Variants in DNAJC6 observed in about 807,000 individuals in gnomAD.
The protein encoded by DNAJC6 is DnaJ heat shock protein family (Hsp40) member C6.
In DNAJC6, 34 loss-of-function variants were observed where a neutral mutation model predicts 110.0. That is an observed-to-expected ratio of 0.31 (90% CI 0.24 to 0.41). The LOEUF is 0.41. DNAJC6 is among the 10% of genes least tolerant of loss of function. The pLI is 1.00. For missense variants in DNAJC6, 1,031 were observed against 1,207.8 expected (o/e 0.85, Z 2.17); for synonymous variants, 406 against 437.2 (o/e 0.93, Z 0.89).
chr1:65,385,928 C>T lies in DNAJC6; in HGVS notation c.995+22C>T, dbSNP rs776474307. ...TGAAGTAAGTCATGATACTTTACTT[C>T]TTCCTATGTACTTCTCAATTCTCAT... On this transcript the variant is annotated intron_variant, in intron 7 of 18. Coordinates refer to ENST00000371069, the MANE Select transcript of DNAJC6 (RefSeq NM_001256864.2). The T allele has an allele frequency of 2.1e-5, 33 of 1,573,034 alleles. No individual in the cohort carries two copies. The South Asian group carries it at 3.7e-4, about 18-fold the overall frequency.
intron 1 of DNAJC6, among the ~76,000 whole-genome samples, chr1:65,294,316 A>G (rs983246902): frequency 1.3e-5 from 2 of 152,188 alleles, no homozygotes; most frequent in African/African-American, 4.8e-5. Context: ...ATCAGTTCTT[A>G]TTGTATGGGT....
At chr1:65,342,259 C>T (rs1251351112) in intron 1 of DNAJC6, among the ~76,000 whole-genome samples, 2 of 152,030 alleles carry the variant, frequency 1.3e-5, no homozygotes, top group African/African-American at 4.8e-5. Flanking sequence ...ATATTTGTGT[C>T]CCCTCCTTTC....
At chr1:65,300,043 C>CAAAAAAAAAAAAAA (rs59681451) in intron 1 of DNAJC6, among the ~76,000 whole-genome samples, 1 of 112,052 alleles carries the variant, frequency 8.9e-6, no homozygotes. Flanking sequence ...AACTCCATCT[C>CAAAAAAAAAAAAAA]AAAAAAAAAA....
Position 65,389,259 on chromosome 1 carries a change from T to G in DNAJC6, c.1197T>G (p.Pro399=). 6.2e-7 allele frequency: 1 copy of G among 1,613,230 alleles called. No individual in the cohort carries two copies. The highest frequency in any genetic ancestry group is 8.5e-7 in the Non-Finnish European group (1 of 1,179,488). The part of the protein sequence containing the change: ...LDTTVLKFTK[P]ELDACDVPEK... ...TCTTTTTTAAATCCCTATTTAGGCCTGAGTTAGATGCATGTGATGTACCAG... is the reference window on the plus strand; with the variant it reads ...TCTTTTTTAAATCCCTATTTAGGCCGGAGTTAGATGCATGTGATGTACCAG... Residue 399 remains proline (P), a synonymous_variant, in exon 10 of 19, where the codon CCT becomes CCG. Coordinates refer to ENST00000371069, the MANE Select transcript of DNAJC6 (RefSeq NM_001256864.2).
At chr1:65,391,510 CTCT>C (rs993425626) in intron 11 of DNAJC6, among the ~76,000 whole-genome samples, 1 of 152,134 alleles carries the variant, frequency 6.6e-6, no homozygotes, top group African/African-American at 2.4e-5. Flanking sequence ...CACAGCAGAG[CTCT>C]TCTTTTCACT....
At chr1:65,354,242 T>A (rs1363932168) in intron 1 of DNAJC6, among the ~76,000 whole-genome samples, 1 of 152,122 alleles carries the variant, frequency 6.6e-6, no homozygotes, top group Non-Finnish European at 1.5e-5. Context: ...AGACAAAAAG[T>A]ACCTCTTGAA....
intron 1 of DNAJC6, among the ~76,000 whole-genome samples, chr1:65,355,745 G>A (rs1285563646): frequency 6.6e-6 from 1 of 152,066 alleles, no homozygotes; most frequent in Non-Finnish European, 1.5e-5. Context: ...TTAAACATTT[G>A]TTCTTCTGAA....
At chr1:65,275,370 G>A (rs555015242) in intron 1 of DNAJC6, among the ~76,000 whole-genome samples, 1 of 152,336 alleles carries the variant, frequency 6.6e-6, no homozygotes, top group South Asian at 2.1e-4. Context: ...GGGGAAGCAG[G>A]TGTTCCCCCA....
chr1:65,411,440 G>T lies in DNAJC6; in HGVS notation c.2811+14G>T, dbSNP rs750029946. The T allele has an allele frequency of 6.2e-6, 10 of 1,605,734 alleles. No homozygotes were observed. In the South Asian group the frequency reaches 8.8e-5, roughly 14 times the overall value. On this transcript the variant is annotated intron_variant, in intron 18 of 18. Coordinates refer to ENST00000371069, the MANE Select transcript of DNAJC6 (RefSeq NM_001256864.2). ...CACCCAGATAAAGTGGGTATAACCT[G>T]CCCTGTTGTGTAACTTGTCAGGTCC...
intron 1 of DNAJC6, among the ~76,000 whole-genome samples, chr1:65,288,695 G>A (rs547882200): frequency 7.9e-5 from 12 of 152,258 alleles, no homozygotes; most frequent in Middle Eastern, 3.4e-3. Context: ...CCTCTACTAA[G>A]AATAACTAAT....
intron 1 of DNAJC6, among the ~76,000 whole-genome samples, chr1:65,302,202 TTAATA>T (rs981791926): frequency 2.2e-5 from 2 of 92,314 alleles, no homozygotes; most frequent in African/African-American, 8.5e-5. Context: ...AATATATACA[TTAATA>T]TATTATATCA....
chr1:65,379,586 A>G (rs1452838360), intron 5 of DNAJC6, 62 bp downstream of exon 5: 3 of 1,588,632 alleles, frequency 1.9e-6, no homozygotes, highest in Non-Finnish European at 2.6e-6. Flanking sequence ...ATGAGCCTGT[A>G]CACAATGGTA....
Position 65,309,760 on chromosome 1 carries a change from G to C in DNAJC6, c.15G>C (p.Gly5=). 6.5e-7 allele frequency: 1 copy of C among 1,547,244 alleles called. No homozygotes were observed. The highest frequency in any genetic ancestry group is 8.7e-7 in the Non-Finnish European group (1 of 1,145,556). Residue 5 remains glycine, a synonymous_variant, in exon 1 of 19, where the codon GGG becomes GGC. Coordinates refer to ENST00000371069, the MANE Select transcript of DNAJC6 (RefSeq NM_001256864.2). Reference sequence around the variant, plus strand: ...CGGGCTTGCCCATGAGCCTCCTCGGGAGCTACCGGAAAAAGACCAGCAACG... The same window carrying C: ...CGGGCTTGCCCATGAGCCTCCTCGGCAGCTACCGGAAAAAGACCAGCAACG... The part of the protein sequence containing the change: MSLL[G]SYRKKTSNDG...
rs572250377 is a variant in DNAJC6 at position 65,393,323 on chromosome 1, A to G, written c.1903+458A>G. 1.1e-3 allele frequency among the ~76,000 whole-genome samples: 160 copies of G among 152,366 alleles called. 1 individual carries two copies. The highest frequency in any genetic ancestry group is 3.7e-3 in the African/African-American group (155 of 41,592). The stretch of plus-strand genomic sequence containing the variant: ...ATAGTTGAGGAAATGGAAGCATAGA[A>G]TTAAATCAGTAGCATAGGTTTATAT... On this transcript the variant is annotated intron_variant, in intron 12 of 18. Coordinates refer to ENST00000371069, the MANE Select transcript of DNAJC6 (RefSeq NM_001256864.2).
chr1:65,321,255 C>G (rs1316765876), intron 1 of DNAJC6, among the ~76,000 whole-genome samples: 6 of 152,168 alleles, frequency 3.9e-5, no homozygotes, highest in Non-Finnish European at 7.3e-5. Context: ...GGCTGGAATG[C>G]AGTGGTGCAA....
At chr1:65,278,913 A>G (rs1458016746) in intron 1 of DNAJC6, 25 of 955,442 alleles carry the variant, frequency 2.6e-5, no homozygotes, top group South Asian at 4.8e-5. Context: ...CGACATTCTC[A>G]GAATCCCAGA....
chr1:65,283,528 A>G (rs1036658973), intron 1 of DNAJC6, among the ~76,000 whole-genome samples: 21 of 152,210 alleles, frequency 1.4e-4, no homozygotes, highest in African/African-American at 5.1e-4. Context: ...AAATGGATAT[A>G]GCATAATTTG....
chr1:65,368,419 A>G (rs1487248613), intron 4 of DNAJC6, among the ~76,000 whole-genome samples: 1 of 151,922 alleles, frequency 6.6e-6, no homozygotes, highest in Non-Finnish European at 1.5e-5. Context: ...AGACACACAC[A>G]ATCTTCTTGC....
chr1:65,297,657 C>T (rs1254430100), intron 1 of DNAJC6, among the ~76,000 whole-genome samples: 1 of 152,174 alleles, frequency 6.6e-6, no homozygotes, highest in East Asian at 1.9e-4. Context: ...CTTAGTTTAA[C>T]CTTGAAACAA....
Sources: allele counts gnomAD v4.1 joint callset (sites outside exome capture counted in the v4.1 genomes callset), GRCh38; gene constraint gnomAD v4.1.1; transcripts MANE v1.5; gene names NCBI Gene and HGNC (gene_info 2026-07-23, HGNC 2026-07-21).